NRG2: variants seen among roughly 807,000 people sequenced by gnomAD.
NRG2 encodes the protein neuregulin 2.
A neutral mutation model predicts 73.9 loss-of-function variants in NRG2; 27 were observed. The observed-to-expected ratio is 0.37, with a 90% CI of 0.27 to 0.50. The LOEUF is 0.50. NRG2 is among the 20% of genes least tolerant of loss of function. The pLI is 0.96. For missense variants in NRG2, 1,126 were observed against 1,210.1 expected (o/e 0.93, Z 1.03); for synonymous variants, 532 against 541.0 (o/e 0.98, Z 0.23).
At chr5:139,908,472 T>A (rs1409023917) in intron 1 of NRG2, among the ~76,000 whole-genome samples, 1 of 152,208 alleles carries the variant, frequency 6.6e-6, no homozygotes, top group Non-Finnish European at 1.5e-5. Flanking sequence ...GAGTCACTAA[T>A]ATGATAGTAT....
chr5:139,865,466 C>T lies in NRG2; in HGVS notation c.1189+83G>A, dbSNP rs907204756. 1.0e-6 allele frequency: 1 copy of T among 1,001,780 alleles called. No individual in the cohort carries two copies. Among genetic ancestry groups the T allele is most frequent in the South Asian group, 1.4e-5 (1 of 72,398 alleles). The allele number at this position is 1,001,780 out of a possible 1,614,324, so 62.1% of individuals were successfully genotyped here. On this transcript the variant is annotated intron_variant, in intron 5 of 9. Coordinates refer to ENST00000361474, the MANE Select transcript of NRG2 (RefSeq NM_004883.3). This position sits in a 1 kb window ranked among gnomAD's most constrained non-coding sequence, Gnocchi z 5.2. ...CCAAAGATCAAAACAACCAACACCC[C>T]TGGCCCTATGCCCTACATTGGGGGG...
intron 2 of NRG2, among the ~76,000 whole-genome samples, chr5:139,881,229 C>T (rs1365114441): frequency 6.6e-6 from 1 of 152,172 alleles, no homozygotes; most frequent in Non-Finnish European, 1.5e-5. Flanking sequence ...AATCTATGAT[C>T]CCTCACATCC....
chr5:140,042,290 C>G (rs1248872288), intron 1 of NRG2, 80 bp downstream of exon 1: 2 of 873,524 alleles, frequency 2.3e-6, no homozygotes, highest in Non-Finnish European at 1.5e-6. Context: ...CGGGCACCTG[C>G]AGCACCTCCC....
rs1752271368 is a variant in NRG2 at position 139,929,096 on chromosome 5, G to A, written c.701-41585C>T. On this transcript the variant is annotated intron_variant, in intron 1 of 9. Coordinates refer to ENST00000361474, the MANE Select transcript of NRG2 (RefSeq NM_004883.3). ...TATCTTGTCACTTCTCTGCTCAAAA[G>A]TCCTTCTGAGCTCTTGGTCAACTCT... 2.0e-5 allele frequency among the ~76,000 whole-genome samples: 3 copies of A among 152,130 alleles called. No individual in the cohort carries two copies. In the South Asian group the frequency reaches 6.2e-4, roughly 32 times the overall value.
At chr5:139,921,158 A>T (rs1341435080) in intron 1 of NRG2, among the ~76,000 whole-genome samples, 1 of 152,254 alleles carries the variant, frequency 6.6e-6, no homozygotes, top group Non-Finnish European at 1.5e-5. Flanking sequence ...TGTTGTCAAG[A>T]TGTCAGTTCT....
intron 1 of NRG2, among the ~76,000 whole-genome samples, chr5:140,007,062 T>C (rs1007461311): frequency 2.0e-5 from 3 of 152,176 alleles, no homozygotes. Flanking sequence ...GAGACATTTT[T>C]GTTTGTGGTA....
chr5:139,881,948 C>T (rs1427404531), intron 2 of NRG2, among the ~76,000 whole-genome samples: 1 of 152,248 alleles, frequency 6.6e-6, no homozygotes, highest in African/African-American at 2.4e-5. Context: ...GGCCTGTTCA[C>T]AGCCCTCACC....
intron 3 of NRG2, among the ~76,000 whole-genome samples, chr5:139,877,971 C>T (rs1441983079): frequency 6.6e-6 from 1 of 152,240 alleles, no homozygotes; most frequent in Non-Finnish European, 1.5e-5. Context: ...CAGTGCCCTG[C>T]CCAAAGGTGC....
chr5:139,997,742 C>CA (rs1758130387), intron 1 of NRG2, among the ~76,000 whole-genome samples: 2 of 152,206 alleles, frequency 1.3e-5, no homozygotes, highest in African/African-American at 4.8e-5. Context: ...AAGCAAATTC[C>CA]TGAGAACAGC....
chr5:139,947,320 C>T (rs985330840), intron 1 of NRG2, among the ~76,000 whole-genome samples: 2 of 152,158 alleles, frequency 1.3e-5, no homozygotes, highest in African/African-American at 2.4e-5. Flanking sequence ...TCATATAAAT[C>T]AAATTATACA....
intron 1 of NRG2, among the ~76,000 whole-genome samples, chr5:140,035,955 AGTACCT>A (rs1761475321): frequency 6.6e-6 from 1 of 152,226 alleles, no homozygotes; most frequent in Admixed American, 6.5e-5. Context: ...AACTTTCTAC[AGTACCT>A]GTGCCTCTGC....
chr5:139,908,103 G>A (rs1765355420), intron 1 of NRG2, among the ~76,000 whole-genome samples: 2 of 152,224 alleles, frequency 1.3e-5, no homozygotes, highest in African/African-American at 2.4e-5. Context: ...CAAGGACTCC[G>A]GCCTTCGCCA....
At chr5:139,862,768 A>G (rs1762237636) in intron 5 of NRG2, among the ~76,000 whole-genome samples, 1 of 152,266 alleles carries the variant, frequency 6.6e-6, no homozygotes, top group Non-Finnish European at 1.5e-5. Flanking sequence ...GTATGAGCCC[A>G]TGCTCATGCG....
intron 2 of NRG2, among the ~76,000 whole-genome samples, chr5:139,882,205 T>C (rs1763566830): frequency 6.6e-6 from 1 of 152,074 alleles, no homozygotes; most frequent in African/African-American, 2.4e-5. Flanking sequence ...AACTGAGCTA[T>C]GGAGCTGATG....
intron 1 of NRG2, among the ~76,000 whole-genome samples, chr5:139,977,364 G>A (rs1257373029): frequency 6.6e-6 from 1 of 152,194 alleles, no homozygotes; most frequent in Non-Finnish European, 1.5e-5. Flanking sequence ...CAGCCAGAAA[G>A]AATCAAGTGG....
intron 1 of NRG2, among the ~76,000 whole-genome samples, chr5:139,938,763 G>A (rs1753041945): frequency 6.7e-6 from 1 of 150,278 alleles, no homozygotes; most frequent in East Asian, 2.0e-4. Flanking sequence ...AAGGTTTTAA[G>A]GCAATTCAAG....
chr5:139,848,779 G>GTT, intron 9 of NRG2, 82 bp from the exon 10 acceptor site: 1 of 198,602 alleles, frequency 5.0e-6, no homozygotes, highest in Non-Finnish European at 1.0e-5. Context: ...GGTAGGGTGG[G>GTT]AGGGGCGGAC....
chr5:139,886,651 G>A (rs1234462841), intron 2 of NRG2, among the ~76,000 whole-genome samples: 2 of 152,178 alleles, frequency 1.3e-5, no homozygotes, highest in East Asian at 3.9e-4. Context: ...CAGAGAGGTG[G>A]TGGGCTGCCT....
chr5:139,888,680 G>A (rs4912651), intron 1 of NRG2, among the ~76,000 whole-genome samples: 17,113 of 152,166 alleles, frequency 0.11, 1,585 homozygotes, highest in African/African-American at 0.25. Flanking sequence ...CTGCATATAC[G>A]CAGGGAGTAG....
Sources: allele counts gnomAD v4.1 joint callset (sites outside exome capture counted in the v4.1 genomes callset), GRCh38; gene constraint gnomAD v4.1.1; non-coding constraint Gnocchi (gnomAD v3.1); transcripts MANE v1.5; gene names NCBI Gene and HGNC (gene_info 2026-07-23, HGNC 2026-07-21).